Variants in GREB1L observed in about 807,000 individuals in gnomAD.
GREB1L encodes GREB1-like protein.
A neutral mutation model predicts 200.8 loss-of-function variants in GREB1L; 17 were observed. The observed-to-expected ratio is 0.08, with a 90% confidence interval of 0.06 to 0.13. The LOEUF (loss-of-function observed/expected upper bound fraction) is 0.13. Among genes scored for constraint, GREB1L ranks in the 10% least tolerant of loss-of-function variants. GREB1L has a pLI of 1.00. For missense variants in GREB1L, 1,657 were observed against 2,367.7 expected (o/e 0.70, Z 6.23); for synonymous variants, 789 against 893.0 (o/e 0.88, Z 2.08).
intron 14 of GREB1L, among the ~76,000 whole-genome samples, chr18:21,454,118 T>C (rs2034647819): frequency 6.6e-6 from 1 of 152,152 alleles, no homozygotes; most frequent in Non-Finnish European, 1.5e-5. Context: ...TGTGAGATAA[T>C]CAATCAATTT....
chr18:21,522,970 G>T lies in GREB1L; in HGVS notation c.*149G>T. Reference sequence around the variant, plus strand: ...ATTCTCCAAAGAACTCCCCAAATCTGATCCAGGTCTTTGGGGACATCACTT... The same window carrying T: ...ATTCTCCAAAGAACTCCCCAAATCTTATCCAGGTCTTTGGGGACATCACTT... On this transcript the variant is annotated 3_prime_UTR_variant, in exon 33 of 33. Coordinates refer to ENST00000424526, the MANE Select transcript of GREB1L (RefSeq NM_001142966.3). The T allele has an allele frequency of 3.0e-6, 2 of 675,042 alleles. No homozygotes were observed. The highest frequency in any genetic ancestry group is 4.8e-6 in the Non-Finnish European group (2 of 420,764). The allele number at this position is 675,042 out of a possible 1,614,324, so 41.8% of individuals were successfully genotyped here.
chr18:21,384,967 G>T (rs561844454), intron 4 of GREB1L, among the ~76,000 whole-genome samples: 3 of 151,426 alleles, frequency 2.0e-5, no homozygotes, highest in Admixed American at 1.3e-4. Context: ...ATTTATTAGG[G>T]TCAACCTCCT....
intron 4 of GREB1L, among the ~76,000 whole-genome samples, chr18:21,385,495 A>G (rs2040502207): frequency 3.3e-5 from 5 of 152,192 alleles, no homozygotes; most frequent in Admixed American, 3.3e-4. Context: ...GGTGGCCTCT[A>G]GCAATTAGTA....
intron 29 of GREB1L, 41 bp from the exon 30 acceptor site, chr18:21,516,572 T>TA: frequency 5.9e-6 from 9 of 1,534,750 alleles, no homozygotes; most frequent in Non-Finnish European, 7.9e-6. Context: ...ATGGTTGAGA[T>TA]ATGCCAGCGG....
At chr18:21,352,382 A>C (rs1334772645) in intron 1 of GREB1L, among the ~76,000 whole-genome samples, 4 of 151,858 alleles carry the variant, frequency 2.6e-5, no homozygotes, top group Non-Finnish European at 5.9e-5. Flanking sequence ...TGGTATTAGC[A>C]ATAATAATAA....
chr18:21,452,365 T>G, intron 14 of GREB1L, 148 bp downstream of exon 14: 2 of 745,316 alleles, frequency 2.7e-6, no homozygotes, highest in Non-Finnish European at 4.2e-6. Flanking sequence ...CTGGTTGAAA[T>G]TAAAAATGCT....
intron 1 of GREB1L, among the ~76,000 whole-genome samples, chr18:21,253,659 T>C (rs2037750791): frequency 6.6e-6 from 1 of 152,178 alleles, no homozygotes; most frequent in Admixed American, 6.6e-5. Flanking sequence ...GAGAATGATA[T>C]TAACAAATCA....
intron 17 of GREB1L, 47 bp from the exon 18 acceptor site, chr18:21,485,573 C>T (rs1408164902): frequency 6.6e-7 from 1 of 1,514,498 alleles, no homozygotes. Context: ...AAACAAGACA[C>T]ACTGTATCCT....
intron 19 of GREB1L, 33 bp downstream of exon 19, chr18:21,490,384 T>A (rs755771608): frequency 7.7e-5 from 117 of 1,513,364 alleles, no homozygotes; most frequent in Middle Eastern, 6.8e-4. Context: ...TCCTTTAAAA[T>A]ACCATTTGTT....
rs61655993 is a variant in GREB1L, at chr18:21,497,811, A to ACCC, written c.3391+1121_3391+1123dup. 6.1e-3 allele frequency among the ~76,000 whole-genome samples: 410 copies of ACCC among 67,532 alleles called. 16 individuals carry two copies. The highest frequency in any genetic ancestry group is 8.3e-3 in the East Asian group (14 of 1,680). The allele number at this position is 67,532 out of a possible 152,430, so 44.3% of individuals were successfully genotyped here. A position where few individuals can be genotyped will look rare whatever the true frequency, so the allele number is the denominator to read the frequency against. On this transcript the variant is annotated intron_variant, in intron 21 of 32. Coordinates refer to ENST00000424526, the MANE Select transcript of GREB1L (RefSeq NM_001142966.3). ...ACATGCCCCTCCTTCTCCCCTCACCACCCCCCCCCCTTTTTTTTTTTTTTT... is the reference window on the plus strand; with the variant it reads ...ACATGCCCCTCCTTCTCCCCTCACCACCCCCCCCCCCCCTTTTTTTTTTTTTTT...
intron 1 of GREB1L, among the ~76,000 whole-genome samples, chr18:21,360,253 C>T (rs1403854444): frequency 1.3e-5 from 2 of 152,248 alleles, no homozygotes; most frequent in Admixed American, 1.3e-4. Flanking sequence ...AAGTCTCGCT[C>T]TGTCATCCAG....
intron 1 of GREB1L, among the ~76,000 whole-genome samples, chr18:21,328,177 GC>G (rs11420175): frequency 0.05 from 7,553 of 150,144 alleles, 647 homozygotes; most frequent in African/African-American, 0.17. Flanking sequence ...CAGTGCCATT[GC>G]CCCCCCCCGT....
chr18:21,500,771 A>C (rs2036755768), intron 23 of GREB1L, 129 bp downstream of exon 23: 1 of 667,154 alleles, frequency 1.5e-6, no homozygotes, highest in African/African-American at 1.8e-5. Flanking sequence ...TGGGAGGCTA[A>C]AGATAATGTG....
At chr18:21,380,244 A>C (rs1317193233) in intron 2 of GREB1L, 1 of 152,154 alleles carries the variant, frequency 6.6e-6, no homozygotes, top group Admixed American at 6.6e-5. Flanking sequence ...AGGGGCACCA[A>C]AATCTTCTGC....
At position 21,278,380 on chromosome 18, in the gene GREB1L, C is replaced by CAAAAA. The variant is rs550496435; in HGVS notation, c.-120+35995_-120+35999dup. ...GGGCAACAAGAGCAAGACTCCATCT[C>CAAAAA]AAAAAAAAAAAATAAATAAATAAAT... On this transcript the variant is annotated intron_variant, in intron 1 of 32. Transcript: ENST00000424526. Among the ~76,000 whole-genome samples, 109 of 106,326 alleles carry CAAAAA rather than the reference C, an allele frequency of 1.0e-3. 2 individuals carry two copies. Among genetic ancestry groups the CAAAAA allele is most frequent in the South Asian group, 3.1e-3 (10 of 3,210 alleles). 69.8% of individuals were successfully genotyped at this position (106,326 alleles called of 152,430 possible).
intron 23 of GREB1L, 39 bp downstream of exon 23, chr18:21,500,681 G>T: frequency 7.3e-7 from 1 of 1,373,000 alleles, no homozygotes; most frequent in Non-Finnish European, 9.9e-7. Context: ...AGGGGCAAGA[G>T]ACAAAGACAT....
Position 21,522,744 on chromosome 18 carries a change from C to T in GREB1L, c.5695C>T (p.Arg1899Cys), listed in dbSNP as rs1346184582. The change falls in exon 33 of 33, where the codon CGC (arginine) becomes TGC (cysteine). Residue 1899 changes from arginine to cysteine, a missense_variant. Physicochemically the swap from Arg to Cys is radical, Grantham distance 180. Around this residue, in one of 9 missense-constraint regions of GREB1L, gnomAD observed 190 missense variants for 230.2 expected, o/e 0.83. Transcript: ENST00000424526. ...RLELEDEWQF[R>C]LRDEFQTANS... ...AGAGCTAGAAGATGAGTGGCAGTTCCGCCTCCGGGACGAGTTTCAAACTGC... is the reference window on the plus strand; with the variant it reads ...AGAGCTAGAAGATGAGTGGCAGTTCTGCCTCCGGGACGAGTTTCAAACTGC... The T allele has an allele frequency of 1.3e-5, 20 of 1,551,528 alleles. No individual in the cohort carries two copies. Among genetic ancestry groups the T allele is most frequent in the African/African-American group, 2.7e-5 (2 of 73,052 alleles).
intron 15 of GREB1L, among the ~76,000 whole-genome samples, chr18:21,462,069 A>G (rs1367035537): frequency 6.6e-6 from 1 of 152,184 alleles, no homozygotes; most frequent in Admixed American, 6.5e-5. Flanking sequence ...AGGAAGGAAG[A>G]AGAGTTACTG....
At chr18:21,307,194 A>C (rs2038714192) in intron 1 of GREB1L, among the ~76,000 whole-genome samples, 1 of 152,098 alleles carries the variant, frequency 6.6e-6, no homozygotes, top group Admixed American at 6.5e-5. Flanking sequence ...CCCTGTTCCA[A>C]TGGCAAGTAC....
Sources: gnomAD v4.1 joint callset for allele counts (sites outside exome capture counted in the v4.1 genomes callset) on GRCh38, gnomAD v4.1.1 for gene constraint, gnomAD v4.1.1 regional missense constraint, MANE v1.5 for transcripts, NCBI Gene and HGNC (gene_info 2026-07-23, HGNC 2026-07-21) for gene names.